KCNH8: variants seen among roughly 807,000 people sequenced by gnomAD.
The protein encoded by KCNH8 is voltage-gated delayed rectifier potassium channel KCNH8.
Under a neutral mutation model 103.6 loss-of-function variants are expected in KCNH8, and 70 were observed. The ratio of observed to expected loss-of-function variants is 0.68; its 90% CI spans 0.56 to 0.82. The LOEUF (loss-of-function observed/expected upper bound fraction) is 0.82. Among genes scored for constraint, KCNH8 ranks in the 40% least tolerant of loss-of-function variants. The pLI is 0.00. For missense variants in KCNH8, 1,217 were observed against 1,329.9 expected, an observed-to-expected ratio of 0.92 and a Z score of 1.32; for synonymous variants, 498 against 489.4, an observed-to-expected ratio of 1.02 and a Z score of -0.23.
intron 5 of KCNH8, among the ~76,000 whole-genome samples, chr3:19,376,207 G>A (rs947249881): frequency 2.6e-5 from 4 of 152,198 alleles, no homozygotes; most frequent in Non-Finnish European, 4.4e-5. Flanking sequence ...CCTCGCTGCC[G>A]CCTTGCAGTT....
chr3:19,352,628 T>C (rs2065819656), intron 5 of KCNH8, among the ~76,000 whole-genome samples: 1 of 152,214 alleles, frequency 6.6e-6, no homozygotes, highest in Non-Finnish European at 1.5e-5. Context: ...TGCTCCTGAA[T>C]GACTACTGGA....
Position 19,474,590 on chromosome 3 carries a change from T to C in KCNH8, c.2040+17608T>C, listed in dbSNP as rs1009942375. 2.6e-5 allele frequency among the ~76,000 whole-genome samples: 4 copies of C among 152,308 alleles called. No homozygotes were observed. In the South Asian group the frequency reaches 8.3e-4, roughly 32 times the overall value. ...GTAAGGGTCAGGGGACCCAGGAAGA[T>C]GCATTTCTGTCAAATGAATTGGGAT... On this transcript the variant is annotated intron_variant, in intron 11 of 15. Transcript: ENST00000328405.
chr3:19,462,473 CT>C (rs2067652639), intron 11 of KCNH8, among the ~76,000 whole-genome samples: 1 of 152,168 alleles, frequency 6.6e-6, no homozygotes, highest in East Asian at 1.9e-4. Flanking sequence ...TCTTCACCCA[CT>C]TTTTGATGGG....
intron 7 of KCNH8, among the ~76,000 whole-genome samples, chr3:19,421,259 C>A (rs1031317370): frequency 6.6e-6 from 1 of 151,996 alleles, no homozygotes; most frequent in Non-Finnish European, 1.5e-5. Flanking sequence ...TTAAAAAAAT[C>A]TTTGTTTGAC....
At chr3:19,438,131 C>G in intron 7 of KCNH8, 33 bp from the exon 8 acceptor site, 4 of 1,557,664 alleles carry the variant, frequency 2.6e-6, no homozygotes, top group South Asian at 1.1e-5. Flanking sequence ...TTTACTTTTT[C>G]TTCTCTCATT....
chr3:19,513,904 C>T (rs987694743), intron 13 of KCNH8, among the ~76,000 whole-genome samples: 2 of 151,954 alleles, frequency 1.3e-5, no homozygotes, highest in South Asian at 2.1e-4. Context: ...ATCCTGATTC[C>T]GAAGATGTTC....
intron 5 of KCNH8, among the ~76,000 whole-genome samples, chr3:19,352,752 A>G (rs1032913914): frequency 2.6e-5 from 4 of 152,234 alleles, no homozygotes; most frequent in Non-Finnish European, 4.4e-5. Flanking sequence ...AGGGAAATTT[A>G]TAGCACTAAA....
chr3:19,331,626 T>C lies in KCNH8; in HGVS notation c.443-10961T>C, dbSNP rs1256903974. Among the ~76,000 whole-genome samples, 4 of 152,152 alleles carry C rather than the reference T, an allele frequency of 2.6e-5. No homozygotes were observed. In the East Asian group the frequency reaches 7.7e-4, roughly 29 times the overall value. ...AATTTTTATGGGTACATCATAGATG[T>C]AGGTATTTATGGGATGCATAAGATA... On this transcript the variant is annotated intron_variant, in intron 3 of 15. Transcript: ENST00000328405.
intron 3 of KCNH8, among the ~76,000 whole-genome samples, chr3:19,291,151 T>C (rs2064917417): frequency 6.6e-6 from 1 of 152,216 alleles, no homozygotes; most frequent in Non-Finnish European, 1.5e-5. Context: ...TTTATTAGTC[T>C]TGCTAGCAGT....
chr3:19,329,110 ATT>A (rs756032550), intron 3 of KCNH8, among the ~76,000 whole-genome samples: 7 of 152,116 alleles, frequency 4.6e-5, no homozygotes, highest in Non-Finnish European at 7.4e-5. Context: ...TAACCCCAAT[ATT>A]TCTTTTAAGA....
intron 1 of KCNH8, among the ~76,000 whole-genome samples, chr3:19,202,044 A>G (rs1198249929): frequency 6.6e-6 from 1 of 152,170 alleles, no homozygotes; most frequent in African/African-American, 2.4e-5. Context: ...AAAATCCAAC[A>G]GTATCACTTC....
intron 1 of KCNH8, among the ~76,000 whole-genome samples, chr3:19,185,458 A>C: frequency 6.6e-6 from 1 of 151,860 alleles, no homozygotes; most frequent in Non-Finnish European, 1.5e-5. Context: ...GCCATATTTT[A>C]AACTGGATGA....
At chr3:19,418,802 G>T (rs992189791) in intron 7 of KCNH8, among the ~76,000 whole-genome samples, 3 of 152,144 alleles carry the variant, frequency 2.0e-5, no homozygotes, top group African/African-American at 7.2e-5. Context: ...CACAATCTTT[G>T]TCAAACAGTT....
chr3:19,382,336 G>A (rs2066299074), intron 5 of KCNH8, among the ~76,000 whole-genome samples: 2 of 152,064 alleles, frequency 1.3e-5, no homozygotes, highest in African/African-American at 2.4e-5. Context: ...CTCTTCCACT[G>A]CCTAGTTGGG....
intron 1 of KCNH8, among the ~76,000 whole-genome samples, chr3:19,240,123 A>C (rs1207271042): frequency 6.6e-6 from 1 of 151,898 alleles, no homozygotes; most frequent in Non-Finnish European, 1.5e-5. Context: ...CTCTCTCTTT[A>C]CTCACTTTCC....
intron 3 of KCNH8, among the ~76,000 whole-genome samples, chr3:19,331,244 ATTAT>A (rs1287989933): frequency 7.8e-6 from 1 of 128,192 alleles, no homozygotes; most frequent in Non-Finnish European, 1.7e-5. Context: ...TCTTTCTTTA[ATTAT>A]TTTTATTTAT....
chr3:19,361,503 A>C (rs890355541), intron 5 of KCNH8, among the ~76,000 whole-genome samples: 10 of 152,044 alleles, frequency 6.6e-5, no homozygotes, highest in African/African-American at 2.4e-4. Context: ...TCCTACATCC[A>C]CTTGAGTAGT....
chr3:19,379,638 C>CAAAA (rs540674539), intron 5 of KCNH8, among the ~76,000 whole-genome samples: 1 of 141,744 alleles, frequency 7.1e-6, no homozygotes, highest in Non-Finnish European at 1.5e-5. Flanking sequence ...CACTCTGTCT[C>CAAAA]AAAAAAAAAA....
At chr3:19,288,928 G>A (rs1226790894) in intron 3 of KCNH8, among the ~76,000 whole-genome samples, 1 of 152,142 alleles carries the variant, frequency 6.6e-6, no homozygotes, top group African/African-American at 2.4e-5. Context: ...CATTCTAACT[G>A]GTGTGAGATG....
Sources: allele counts gnomAD v4.1 joint callset (sites outside exome capture counted in the v4.1 genomes callset), GRCh38; gene constraint gnomAD v4.1.1; transcripts MANE v1.5; gene names NCBI Gene and HGNC (gene_info 2026-07-23, HGNC 2026-07-21).